Variants in SPON2 observed in about 807,000 individuals in gnomAD.
SPON2 encodes the protein spondin 2.
Under a neutral mutation model 29.9 loss-of-function variants are expected in SPON2, and 32 were observed. That is an observed-to-expected ratio of 1.07 (90% CI 0.81 to 1.44). SPON2 has a LOEUF of 1.44. SPON2 is among the 40% of genes most tolerant of loss of function. SPON2 has a pLI of 0.00. For synonymous variants in SPON2, 248 were observed against 209.1 expected (o/e 1.19, Z -1.61); for missense variants, 541 against 455.5 (o/e 1.19, Z -1.71).
chr4:1,172,351 G>A, intron 1 of SPON2, 193 bp downstream of exon 1: 1 of 549,176 alleles, frequency 1.8e-6, no homozygotes, highest in Non-Finnish European at 3.3e-6. Flanking sequence ...TCTGGGTGCG[G>A]CCTCCGGGAT....
intron 1 of SPON2, among the ~76,000 whole-genome samples, chr4:1,180,228 C>G (rs1266440060): frequency 4.6e-5 from 7 of 152,242 alleles, no homozygotes; most frequent in Admixed American, 4.6e-4. Context: ...AACCTCAAAA[C>G]AAAAACTGGG....
intron 4 of SPON2, 73 bp from the exon 5 acceptor site, chr4:1,170,649 G>T: frequency 6.7e-7 from 1 of 1,486,910 alleles, no homozygotes. Context: ...GGCCTCACTG[G>T]GGCCACTGCC....
upstream of SPON2, among the ~76,000 whole-genome samples, chr4:1,173,951 A>T (rs904124402): frequency 5.9e-5 from 9 of 152,236 alleles, no homozygotes; most frequent in African/African-American, 7.2e-5. Flanking sequence ...CTGTAATCCC[A>T]GCACTTTGGG....
In SPON2 at chr4:1,171,020, G is replaced by A. The variant is rs1439873010; in HGVS notation, c.615C>T (p.Ile205=). 6.5e-7 allele frequency: 1 copy of A among 1,549,084 alleles called. No individual in the cohort carries two copies. Among genetic ancestry groups the A allele is most frequent in the East Asian group, 2.4e-5 (1 of 40,858 alleles). Residue 205 remains isoleucine (I), a synonymous_variant, in exon 4 of 6, where the codon ATC becomes ATT. Coordinates refer to ENST00000290902, the MANE Select transcript of SPON2 (RefSeq NM_012445.4). ...FTFSSPNFAT[I]PQDTVTEITS... is the part of the protein sequence containing the mutation. Reference sequence around the variant, plus strand: ...TCACCTCGGTCACCGTGTCCTGCGGGATGGTGGCGAAGTTGGGGGAGGAGA... The same window carrying A: ...TCACCTCGGTCACCGTGTCCTGCGGAATGGTGGCGAAGTTGGGGGAGGAGA...
chr4:1,188,107 A>T (rs1373697785), intron 1 of SPON2, among the ~76,000 whole-genome samples: 2 of 146,654 alleles, frequency 1.4e-5, no homozygotes. Flanking sequence ...GCTACTCAGG[A>T]GGCTGAGGCA....
chr4:1,171,088 C>T lies in SPON2; in HGVS notation c.547G>A (p.Asp183Asn). Reference protein sequence around the residue: ...GDRWREQAALDLYPYDAGTDS... With the variant: ...GDRWREQAALNLYPYDAGTDS... Reference sequence around the variant, plus strand: ...GTCCCGGCGTCGTAGGGGTACAGGTCCAGCGCCGCCTGTTCCCGCCAACGG... The same window carrying T: ...GTCCCGGCGTCGTAGGGGTACAGGTTCAGCGCCGCCTGTTCCCGCCAACGG... Residue 183 changes from aspartate (D) to asparagine (N), a missense_variant, in exon 4 of 6, where the codon GAC becomes AAC. Coordinates refer to ENST00000290902, the MANE Select transcript of SPON2 (RefSeq NM_012445.4). The T allele has an allele frequency of 1.3e-6, 2 of 1,550,378 alleles. No individual in the cohort carries two copies. The highest frequency in any genetic ancestry group is 2.4e-5 in the East Asian group (1 of 40,936).
rs546927034 is a variant in SPON2, at chr4:1,184,503, G to A, written c.-238-4962C>T. On this transcript the variant is annotated intron_variant, in intron 1 of 3. Transcript: ENST00000502483. ...AATTCACATGGGCTCTGAAGGGACC[G>A]CAAGTAGCCAAAATAATCTTTAAAA... Among the ~76,000 whole-genome samples the A allele has an allele frequency of 5.9e-5, 9 of 152,300 alleles. No homozygotes were observed. The South Asian group carries it at 1.7e-3, about 28-fold the overall frequency.
At chr4:1,195,742 T>C (rs1413715864), upstream of SPON2, among the ~76,000 whole-genome samples, 1 of 140,024 alleles carries the variant, frequency 7.1e-6, no homozygotes, top group Non-Finnish European at 1.5e-5. Context: ...AGCCCCAGGA[T>C]GCCCACACCT....
intron 5 of SPON2, 135 bp downstream of exon 5, chr4:1,170,267 T>G (rs1727380314): frequency 1.2e-6 from 1 of 822,252 alleles, no homozygotes. Flanking sequence ...TCCTAAATCT[T>G]CTAGGCACCA....
intron 1 of SPON2, chr4:1,200,820 A>C (rs1728181953): frequency 2.2e-6 from 1 of 456,540 alleles, no homozygotes; most frequent in Non-Finnish European, 4.4e-6. Flanking sequence ...GAGAAAGCCC[A>C]GCTCCTGGAG....
At chr4:1,198,189 C>T (rs144949866), upstream of SPON2, among the ~76,000 whole-genome samples, 411 of 152,330 alleles carry the variant, frequency 2.7e-3, 1 homozygote, top group African/African-American at 8.4e-3. Flanking sequence ...ACAGCCCGCT[C>T]GGCCGGGGCA....
At chr4:1,176,345 C>T (rs999481143), upstream of SPON2, among the ~76,000 whole-genome samples, 5 of 152,204 alleles carry the variant, frequency 3.3e-5, no homozygotes, top group East Asian at 1.9e-4. Context: ...CCTCTGTGCC[C>T]GCAGGCAGGA....
rs1340655727 is a variant in SPON2 at position 1,167,841 on chromosome 4, G to C, written c.812-185C>G. 5.4e-6 allele frequency: 3 copies of C among 559,296 alleles called. No individual in the cohort carries two copies. In the African/African-American group the frequency reaches 5.7e-5, roughly 11 times the overall value. 34.6% of individuals were successfully genotyped at this position (559,296 alleles called of 1,614,324 possible). A position where few individuals can be genotyped will look rare whatever the true frequency, so the allele number is the denominator to read the frequency against. On this transcript the variant is annotated intron_variant, in intron 5 of 5. Transcript: ENST00000290902. The stretch of plus-strand genomic sequence containing the variant: ...ATGGGATGGCACCATAGCAACCTCG[G>C]ACACAACCTAGGGACTGGAGTTGCG...
chr4:1,170,348 C>G, intron 5 of SPON2, 54 bp downstream of exon 5: 1 of 1,561,314 alleles, frequency 6.4e-7, no homozygotes, highest in African/African-American at 1.4e-5. Flanking sequence ...GGTGGTCGCC[C>G]TGTGGCAGGG....
At chr4:1,174,786 G>C (rs1017131017), upstream of SPON2, among the ~76,000 whole-genome samples, 3 of 152,246 alleles carry the variant, frequency 2.0e-5, no homozygotes, top group Non-Finnish European at 4.4e-5. Flanking sequence ...GTCCGGCTTA[G>C]TGGAAGCTGG....
chr4:1,178,318 T>A (rs1180797478), intron 2 of SPON2, among the ~76,000 whole-genome samples: 1 of 152,160 alleles, frequency 6.6e-6, no homozygotes, highest in Non-Finnish European at 1.5e-5. Flanking sequence ...TCTGCACATA[T>A]CTGCTTTCTA....
chr4:1,170,854 C>G (rs1426373067), intron 4 of SPON2, 145 bp downstream of exon 4: 1 of 1,216,566 alleles, frequency 8.2e-7, no homozygotes, highest in Non-Finnish European at 1.2e-6. Flanking sequence ...CCCTTGCTCA[C>G]TGCTGGCGCT....
At chr4:1,206,880 G>C (rs558660168) in intron 1 of SPON2, among the ~76,000 whole-genome samples, 2 of 151,928 alleles carry the variant, frequency 1.3e-5, no homozygotes, top group South Asian at 4.2e-4. Flanking sequence ...GTGTGAGCAG[G>C]TGAGGGGATA....
chr4:1,186,461 G>A (rs1266905371), intron 1 of SPON2, among the ~76,000 whole-genome samples: 1 of 152,024 alleles, frequency 6.6e-6, no homozygotes, highest in East Asian at 1.9e-4. Context: ...ATGCTGCCGT[G>A]CCCGGCTAAT....
Sources: gnomAD v4.1 joint callset for allele counts (sites outside exome capture counted in the v4.1 genomes callset) on GRCh38, gnomAD v4.1.1 for gene constraint, MANE v1.5 for transcripts, NCBI Gene and HGNC (gene_info 2026-07-23, HGNC 2026-07-21) for gene names.